TMEM178B: variants seen among roughly 807,000 people sequenced by gnomAD.
The protein encoded by TMEM178B is transmembrane protein 178B.
TMEM178B carries 5 observed loss-of-function variants against 31.0 expected under a neutral mutation model. The observed-to-expected ratio is 0.16, with a 90% CI of 0.08 to 0.34. TMEM178B has a LOEUF of 0.34. TMEM178B is among the 10% of genes least tolerant of loss of function. The pLI is 1.00. For synonymous variants in TMEM178B, 164 were observed against 164.0 expected (o/e 1.00, Z 0.00); for missense variants, 275 against 400.3 (o/e 0.69, Z 2.67).
chr7:141,486,019 A>G, the TMEM178B span, among the ~76,000 whole-genome samples: 1 of 152,262 alleles, frequency 6.6e-6, no homozygotes, highest in South Asian at 2.1e-4. Flanking sequence ...ACAGATGATT[A>G]GATAAAGAGA....
At chr7:141,453,017 C>A (rs976617570) in intron 3 of TMEM178B, among the ~76,000 whole-genome samples, 17 of 152,240 alleles carry the variant, frequency 1.1e-4, no homozygotes, top group Admixed American at 8.5e-4. Context: ...CCATGACACC[C>A]TTTTCTGCCT....
At chr7:141,106,943 T>C (rs1563089522) in intron 1 of TMEM178B, among the ~76,000 whole-genome samples, 1 of 152,168 alleles carries the variant, frequency 6.6e-6, no homozygotes, top group Non-Finnish European at 1.5e-5. Flanking sequence ...TGGAGGCTGA[T>C]GAATGTTTTG....
At chr7:141,274,419 G>A (rs971364897) in intron 2 of TMEM178B, among the ~76,000 whole-genome samples, 2 of 152,110 alleles carry the variant, frequency 1.3e-5, no homozygotes, top group Non-Finnish European at 2.9e-5. Context: ...CAACTCACTT[G>A]CTGCAAAAAT....
chr7:141,314,598 C>G lies in TMEM178B; in HGVS notation c.496+101894C>G, dbSNP rs116534246. The stretch of plus-strand genomic sequence containing the variant: ...TGACACACTTTGAGGAACTCACTGG[C>G]TCAGGCCCTGTGTCCTTTCTTGGGC... On this transcript the variant is annotated intron_variant, in intron 2 of 3. Transcript: ENST00000565468. Among the ~76,000 whole-genome samples the G allele has an allele frequency of 2.8e-3, 426 of 152,334 alleles. 2 individuals carry two copies. Among genetic ancestry groups the G allele is most frequent in the African/African-American group, 9.5e-3 (394 of 41,582 alleles).
chr7:141,228,434 G>GA (rs1028704054), intron 2 of TMEM178B, among the ~76,000 whole-genome samples: 2 of 151,518 alleles, frequency 1.3e-5, no homozygotes, highest in African/African-American at 2.4e-5. Flanking sequence ...CATGAAGGGG[G>GA]AAAAAAATCA....
chr7:141,206,721 A>G (rs867219474), intron 1 of TMEM178B, among the ~76,000 whole-genome samples: 26 of 152,264 alleles, frequency 1.7e-4, no homozygotes, highest in African/African-American at 5.1e-4. Context: ...CCTTTACACC[A>G]TCCTTCACTG....
chr7:141,302,069 T>G (rs561520348), intron 2 of TMEM178B, among the ~76,000 whole-genome samples: 2 of 152,152 alleles, frequency 1.3e-5, no homozygotes, highest in Non-Finnish European at 2.9e-5. Flanking sequence ...TGGAGATGGC[T>G]GATGGTGATG....
rs1055544360 is a variant in TMEM178B at position 141,472,898 on chromosome 7, C to T, written c.*2112C>T. On this transcript the variant is annotated 3_prime_UTR_variant, in exon 4 of 4. Transcript: ENST00000565468. ...GTATCTCTCTGGTGCATTTTGTGTACGTTTGTGTCAGTACACACCTGCACA... is the reference window on the plus strand; with the variant it reads ...GTATCTCTCTGGTGCATTTTGTGTATGTTTGTGTCAGTACACACCTGCACA... The T allele has an allele frequency of 4.6e-5, 7 of 152,116 alleles. No individual in the cohort carries two copies. Among genetic ancestry groups the T allele is most frequent in the African/African-American group, 1.2e-4 (5 of 41,406 alleles). 9.4% of individuals were successfully genotyped at this position (152,116 alleles called of 1,614,324 possible). A position where few individuals can be genotyped will look rare whatever the true frequency, so the allele number is the denominator to read the frequency against.
intron 1 of TMEM178B, among the ~76,000 whole-genome samples, chr7:141,161,703 T>C (rs1167356815): frequency 1.1e-4 from 17 of 152,040 alleles, no homozygotes; most frequent in Non-Finnish European, 2.4e-4. Context: ...GAGACACTTC[T>C]GAGGTGGGCT....
intron 1 of TMEM178B, among the ~76,000 whole-genome samples, chr7:141,206,173 TGTC>T (rs1171652084): frequency 1.3e-5 from 2 of 152,222 alleles, no homozygotes. Context: ...TGATGTGAGT[TGTC>T]ATGCTATGTT....
intron 2 of TMEM178B, among the ~76,000 whole-genome samples, chr7:141,336,579 C>A (rs1467940961): frequency 6.6e-6 from 1 of 151,996 alleles, no homozygotes; most frequent in Non-Finnish European, 1.5e-5. Flanking sequence ...GTTCCTAACA[C>A]AAGGATTGGC....
At chr7:141,158,316 G>A (rs1323787674) in intron 1 of TMEM178B, among the ~76,000 whole-genome samples, 2 of 152,064 alleles carry the variant, frequency 1.3e-5, no homozygotes, top group East Asian at 1.9e-4. Flanking sequence ...GGCTGCTCTC[G>A]AACTCCTGAC....
At position 141,305,385 on chromosome 7, in the gene TMEM178B, G is replaced by A. The variant is rs149130594; in HGVS notation, c.496+92681G>A. On this transcript the variant is annotated intron_variant, in intron 2 of 3. Transcript: ENST00000565468. ...CCAATGAGTTGGCACTGTTCTTGTA[G>A]TCAATGCACCACCTGCTATTGCAGA... Among the ~76,000 whole-genome samples the A allele has an allele frequency of 7.1e-3, 1,085 of 152,230 alleles. 8 individuals carry two copies. The highest frequency in any genetic ancestry group is 0.011 in the Non-Finnish European group (736 of 68,002).
At chr7:141,333,633 G>T (rs940420498) in intron 2 of TMEM178B, among the ~76,000 whole-genome samples, 1 of 152,246 alleles carries the variant, frequency 6.6e-6, no homozygotes, top group Non-Finnish European at 1.5e-5. Context: ...GCACAGACCA[G>T]AATGGGCCAG....
chr7:141,438,699 A>T (rs1024202702), intron 3 of TMEM178B, among the ~76,000 whole-genome samples: 7 of 106,498 alleles, frequency 6.6e-5, no homozygotes, highest in African/African-American at 3.0e-4. Flanking sequence ...TCTCTACTAA[A>T]AAAAAAAAAA....
At chr7:141,201,071 A>G (rs1350351901) in intron 1 of TMEM178B, among the ~76,000 whole-genome samples, 2 of 152,228 alleles carry the variant, frequency 1.3e-5, no homozygotes, top group Admixed American at 6.5e-5. Context: ...AAATATTAAA[A>G]AAAACTGAAA....
Position 141,355,167 on chromosome 7 carries a change from G to T in TMEM178B, c.497-82441G>T, listed in dbSNP as rs552648258. 2.0e-5 allele frequency among the ~76,000 whole-genome samples: 3 copies of T among 152,292 alleles called. No homozygotes were observed. The East Asian group carries it at 5.8e-4, about 29-fold the overall frequency. ...CAGAGAGAGATCCAGGGTGAATAATGATCACTTTCTAGGGCCGTCTCCAGC... is the reference window on the plus strand; with the variant it reads ...CAGAGAGAGATCCAGGGTGAATAATTATCACTTTCTAGGGCCGTCTCCAGC... On this transcript the variant is annotated intron_variant, in intron 2 of 3. Transcript: ENST00000565468.
intron 1 of TMEM178B, among the ~76,000 whole-genome samples, chr7:141,160,905 C>T (rs1796158835): frequency 6.6e-6 from 1 of 152,110 alleles, no homozygotes; most frequent in South Asian, 2.1e-4. Flanking sequence ...TTGCCCAGGA[C>T]GGAGTGCAAT....
intron 1 of TMEM178B, among the ~76,000 whole-genome samples, chr7:141,165,749 C>T (rs978807912): frequency 6.6e-6 from 1 of 152,140 alleles, no homozygotes; most frequent in Non-Finnish European, 1.5e-5. Flanking sequence ...GGGGTCAGGC[C>T]GCTTGAGTTG....
Sources: gnomAD v4.1 joint callset for allele counts (sites outside exome capture counted in the v4.1 genomes callset) on GRCh38, gnomAD v4.1.1 for gene constraint, MANE v1.5 for transcripts, NCBI Gene and HGNC (gene_info 2026-07-23, HGNC 2026-07-21) for gene names.